Variants in TRAPPC8 observed in about 807,000 individuals in gnomAD.
TRAPPC8 encodes general sporulation gene 1 homolog.
TRAPPC8 carries 54 observed loss-of-function variants against 174.3 expected under a neutral mutation model. The ratio of observed to expected loss-of-function variants is 0.31; its 90% CI spans 0.25 to 0.39. The LOEUF (loss-of-function observed/expected upper bound fraction) is 0.39. TRAPPC8 is among the 10% of genes least tolerant of loss of function. The probability of loss-of-function intolerance (pLI) is 1.00; values close to 1 mark genes in which losing one functional copy is unlikely to be tolerated. For missense variants in TRAPPC8, 1,531 were observed against 1,699.1 expected (o/e 0.90, Z 1.74); for synonymous variants, 630 against 579.9 (o/e 1.09, Z -1.24).
At chr18:31,920,021 C>G (rs1251163646) in intron 2 of TRAPPC8, among the ~76,000 whole-genome samples, 3 of 152,158 alleles carry the variant, frequency 2.0e-5, no homozygotes, top group African/African-American at 7.2e-5. Flanking sequence ...CTCCCCAACT[C>G]AGTCAAAGTA....
At position 31,908,848 on chromosome 18, in the gene TRAPPC8, G is replaced by T. The variant is rs1452479391; in HGVS notation, c.1028C>A (p.Thr343Asn). The change falls in exon 7 of 29, where the codon ACT (threonine) becomes AAT (asparagine). Residue 343 changes from threonine to asparagine, a missense_variant. Transcript: ENST00000283351. Reference sequence around the variant, plus strand: ...AAACTGTCGAATTCTATCATGATCAGTAAGTGTTAAACATGCACCATGAAT... The same window carrying T: ...AAACTGTCGAATTCTATCATGATCATTAAGTGTTAAACATGCACCATGAAT... ...GIIHGACLTLTDHDRIRQFIQ... is the reference protein window; with the variant it reads ...GIIHGACLTLNDHDRIRQFIQ... 1.2e-6 allele frequency: 2 copies of T among 1,613,738 alleles called. No homozygotes were observed. Among genetic ancestry groups the T allele is most frequent in the Admixed American group, 1.7e-5 (1 of 60,006 alleles).
chr18:31,892,822 C>T (rs2036012014), intron 11 of TRAPPC8, among the ~76,000 whole-genome samples: 1 of 151,982 alleles, frequency 6.6e-6, no homozygotes. Context: ...CCAAAGCGTT[C>T]AAGACCAGCC....
chr18:31,862,304 A>C (rs2034368195), intron 19 of TRAPPC8, among the ~76,000 whole-genome samples: 1 of 152,062 alleles, frequency 6.6e-6, no homozygotes, highest in African/African-American at 2.4e-5. Flanking sequence ...AAAATGAAAA[A>C]AATTAAAGAT....
intron 12 of TRAPPC8, among the ~76,000 whole-genome samples, chr18:31,879,641 T>C (rs950468104): frequency 1.3e-5 from 2 of 151,946 alleles, no homozygotes; most frequent in African/African-American, 4.8e-5. Flanking sequence ...TTAAATGAAA[T>C]TGAGACCAAA....
At position 31,885,302 on chromosome 18, in the gene TRAPPC8, T is replaced by C. The variant is rs926753937; in HGVS notation, c.1728+5433A>G. Among the ~76,000 whole-genome samples, 25 of 152,260 alleles carry C rather than the reference T, an allele frequency of 1.6e-4. No homozygotes were observed. In the South Asian group the frequency reaches 3.3e-3, roughly 20 times the overall value. ...CCGAATTTGAATCTCATCATGAAAA[T>C]AGCAGAGACATGTAACTTGGGACAA... is the stretch of plus-strand genomic sequence containing the variant. On this transcript the variant is annotated intron_variant, in intron 12 of 28. Transcript: ENST00000283351.
chr18:31,858,803 T>C (rs933508157), intron 19 of TRAPPC8, among the ~76,000 whole-genome samples: 2 of 152,228 alleles, frequency 1.3e-5, no homozygotes, highest in Non-Finnish European at 2.9e-5. Flanking sequence ...TCTTTAAGTA[T>C]ACTGGCTGGG....
rs1404834824 is a variant in TRAPPC8, at chr18:31,895,041, A to G, written c.1596+2745T>C. On this transcript the variant is annotated intron_variant, in intron 11 of 28. Coordinates refer to ENST00000283351, the MANE Select transcript of TRAPPC8 (RefSeq NM_014939.5). The stretch of plus-strand genomic sequence containing the variant: ...TGCCATTCTGAGAATCCCAGGGCAT[A>G]AAACAAAAAATATGATTCACTTGAC... 2.6e-5 allele frequency among the ~76,000 whole-genome samples: 4 copies of G among 152,190 alleles called. No individual in the cohort carries two copies. In the East Asian group the frequency reaches 7.7e-4, roughly 29 times the overall value.
intron 1 of TRAPPC8, among the ~76,000 whole-genome samples, chr18:31,938,302 C>G (rs2038191276): frequency 6.6e-6 from 1 of 151,730 alleles, no homozygotes; most frequent in Admixed American, 6.6e-5. Flanking sequence ...TACATTAACT[C>G]TCAAACATAC....
chr18:31,915,470 G>GGA (rs1424507004), intron 4 of TRAPPC8, among the ~76,000 whole-genome samples: 4 of 112,014 alleles, frequency 3.6e-5, no homozygotes, highest in African/African-American at 1.5e-4. Context: ...CAAAAAAAAA[G>GGA]GGGGGGGGGG....
At chr18:31,869,747 TAC>T (rs1247417426) in intron 16 of TRAPPC8, among the ~76,000 whole-genome samples, 2 of 152,070 alleles carry the variant, frequency 1.3e-5, no homozygotes, top group African/African-American at 4.8e-5. Context: ...AAAAGCAACA[TAC>T]ACAGTATGAA....
intron 16 of TRAPPC8, among the ~76,000 whole-genome samples, chr18:31,869,615 C>CA (rs982652831): frequency 1.3e-5 from 2 of 151,930 alleles, no homozygotes; most frequent in Admixed American, 6.6e-5. Context: ...GGAAACTTGC[C>CA]AAAAAACTAT....
In TRAPPC8 at chr18:31,857,973, T is replaced by C; in HGVS notation, c.2755A>G (p.Ile919Val). Residue 919 changes from isoleucine to valine, a missense_variant, in exon 20 of 29, where the codon ATA becomes GTA. Transcript: ENST00000283351. ...EEMPLLEVFFIHFPTGLLCGE... is the reference protein window; with the variant it reads ...EEMPLLEVFFVHFPTGLLCGE... ...CAGAGAAGCCCTGTAGGAAAATGTA[T>C]AAAGAACACCTGCATTGGAGGGAAA... 6.2e-7 allele frequency: 1 copy of C among 1,603,434 alleles called. No individual in the cohort carries two copies. Among genetic ancestry groups the C allele is most frequent in the Non-Finnish European group, 8.5e-7 (1 of 1,174,962 alleles).
intron 27 of TRAPPC8, among the ~76,000 whole-genome samples, chr18:31,836,126 T>C (rs1350845036): frequency 6.6e-6 from 1 of 152,212 alleles, no homozygotes; most frequent in Non-Finnish European, 1.5e-5. Context: ...GAGATGGACA[T>C]GGGTATGATC....
At position 31,942,445 on chromosome 18, in the gene TRAPPC8, C is replaced by G. The variant is rs947863040; in HGVS notation, c.157+163G>C. 11 of 920,686 alleles carry G rather than the reference C, an allele frequency of 1.2e-5. No homozygotes were observed. The African/African-American group carries it at 1.6e-4, about 13-fold the overall frequency. The allele number at this position is 920,686 out of a possible 1,614,324, so 57.0% of individuals were successfully genotyped here. A position where few individuals can be genotyped will look rare whatever the true frequency, so the allele number is the denominator to read the frequency against. On this transcript the variant is annotated intron_variant, in intron 1 of 28. Coordinates refer to ENST00000283351, the MANE Select transcript of TRAPPC8 (RefSeq NM_014939.5). ...CGCTGTCTTGACAACCTCACGGTCC[C>G]TCCTCCAGCCGCCCCCGGAGCACCG...
intron 26 of TRAPPC8, among the ~76,000 whole-genome samples, chr18:31,841,356 C>T (rs1259970511): frequency 2.6e-5 from 4 of 151,732 alleles, no homozygotes; most frequent in Non-Finnish European, 4.4e-5. Flanking sequence ...AAAATTACTA[C>T]TTTTATAATA....
chr18:31,846,258 C>G (rs2033395425), intron 26 of TRAPPC8, among the ~76,000 whole-genome samples: 1 of 152,092 alleles, frequency 6.6e-6, no homozygotes. Context: ...GTCACCAACA[C>G]CCAACCCAAA....
At chr18:31,848,924 T>G (rs2033555698) in intron 25 of TRAPPC8, among the ~76,000 whole-genome samples, 1 of 152,214 alleles carries the variant, frequency 6.6e-6, no homozygotes, top group Non-Finnish European at 1.5e-5. Flanking sequence ...GTCTGCCATG[T>G]GTGAACCTTA....
chr18:31,932,356 G>A (rs1450671808), intron 1 of TRAPPC8, among the ~76,000 whole-genome samples: 1 of 151,734 alleles, frequency 6.6e-6, no homozygotes, highest in Non-Finnish European at 1.5e-5. Context: ...GAATCCGGGA[G>A]GCGGAGGTTG....
intron 26 of TRAPPC8, among the ~76,000 whole-genome samples, chr18:31,845,661 G>C (rs2145008291): frequency 6.6e-6 from 1 of 152,192 alleles, no homozygotes; most frequent in African/African-American, 2.4e-5. Flanking sequence ...TAACCTGAAT[G>C]AAAGTTATAA....
Sources: allele counts gnomAD v4.1 joint callset (sites outside exome capture counted in the v4.1 genomes callset), GRCh38; gene constraint gnomAD v4.1.1; transcripts MANE v1.5; gene names NCBI Gene and HGNC (gene_info 2026-07-23, HGNC 2026-07-21).